The following ZNF425 variants were observed in gnomAD, a reference collection of about 807,000 sequenced individuals.
ZNF425 encodes the protein zinc finger protein 425.
Under a neutral mutation model 17.0 loss-of-function variants are expected in ZNF425, and 21 were observed. The ratio of observed to expected loss-of-function variants is 1.23; its 90% CI spans 0.88 to 1.78. ZNF425 has a LOEUF of 1.78. Among genes scored for constraint, ZNF425 ranks in the 40% most tolerant of loss-of-function variants. ZNF425 has a pLI of 0.00. For synonymous variants in ZNF425, 433 were observed against 384.1 expected, an observed-to-expected ratio of 1.13 and a Z score of -1.49; for missense variants, 868 against 967.3, an observed-to-expected ratio of 0.90 and a Z score of 1.36.
In ZNF425 at chr7:149,104,399, A is replaced by G; in HGVS notation, c.1472T>C (p.Val491Ala). 1.2e-6 allele frequency: 2 copies of G among 1,607,316 alleles called. No individual in the cohort carries two copies. The highest frequency in any genetic ancestry group is 4.5e-5 in the East Asian group (2 of 44,786). ...GGGAAACTCCTTCTGCCTGTCGTGG[A>G]CTCTGGTGTGGCAGGCGAGCTTGGA... ...RPSKLACHTR[V>A]HDRQKEFPCG... Residue 491 changes from valine (V) to alanine (A), a missense_variant, in exon 4 of 4, where the codon GTC (valine) becomes GCC (alanine). Physicochemically the swap from Val to Ala is moderately conservative, Grantham distance 64 (BLOSUM62 0). Coordinates refer to ENST00000378061, the MANE Select transcript of ZNF425 (RefSeq NM_001001661.3). The surrounding 1 kb of genome is among the most constrained non-coding windows in gnomAD (Gnocchi z 4.3).
intron 2 of ZNF425, among the ~76,000 whole-genome samples, chr7:149,116,929 G>A (rs112301304): frequency 6.6e-6 from 1 of 152,012 alleles, no homozygotes; most frequent in African/African-American, 2.4e-5. Context: ...AGTCCTTCAG[G>A]CTAGACTGAG....
rs1826052613 is a variant in ZNF425, at chr7:149,104,895, C to T, written c.976G>A (p.Gly326Arg). Residue 326 changes from glycine to arginine, a missense_variant, in exon 4 of 4, where the codon GGA (glycine) becomes AGA (arginine). By Grantham distance (125) the Gly-to-Arg change is moderately radical. This residue lies in a region of ZNF425 where 243 missense variants were observed against 265.2 expected (regional missense o/e 0.92). Coordinates refer to ENST00000378061, the MANE Select transcript of ZNF425 (RefSeq NM_001001661.3). The surrounding 1 kb of genome is among the most constrained non-coding windows in gnomAD (Gnocchi z 4.3). Reference sequence around the variant, plus strand: ...TGCGGACACTGGAAGGGCTTCTCTCCGCTGTGCAGCCGCAAGTGCTCCGTG... The same window carrying T: ...TGCGGACACTGGAAGGGCTTCTCTCTGCTGTGCAGCCGCAAGTGCTCCGTG... ...ELTEHLRLHSGEKPFQCPQCD... is the reference protein window; with the variant it reads ...ELTEHLRLHSREKPFQCPQCD... 2 of 1,613,488 alleles carry T rather than the reference C, an allele frequency of 1.2e-6. No homozygotes were observed. Among genetic ancestry groups the T allele is most frequent in the Non-Finnish European group, 1.7e-6 (2 of 1,179,878 alleles).
At chr7:149,126,161 C>T in intron 1 of ZNF425, 35 bp downstream of exon 1, 1 of 1,613,100 alleles carries the variant, frequency 6.2e-7, no homozygotes, top group East Asian at 2.2e-5. Flanking sequence ...ACCCGAGTTT[C>T]GACAGAGCCT....
chr7:149,120,748 T>A (rs1377271182), intron 1 of ZNF425, among the ~76,000 whole-genome samples: 2 of 152,218 alleles, frequency 1.3e-5, no homozygotes, highest in Admixed American at 6.5e-5. Context: ...CAAAATTGCC[T>A]AACAATGTGT....
At chr7:149,110,273 A>G (rs1030295152) in intron 3 of ZNF425, among the ~76,000 whole-genome samples, 3 of 151,614 alleles carry the variant, frequency 2.0e-5, no homozygotes, top group Non-Finnish European at 4.4e-5. Flanking sequence ...AACCTAGAAA[A>G]GCATTTGTGC....
chr7:149,123,524 T>C (rs1237778360), intron 1 of ZNF425, among the ~76,000 whole-genome samples: 1 of 152,158 alleles, frequency 6.6e-6, no homozygotes, highest in Non-Finnish European at 1.5e-5. Context: ...AGTTCAAACT[T>C]GTTTTATTTT....
chr7:149,112,384 A>T, intron 2 of ZNF425, 89 bp from the exon 3 acceptor site: 2 of 1,227,784 alleles, frequency 1.6e-6, no homozygotes, highest in South Asian at 2.9e-5. Flanking sequence ...CTGTAATCCC[A>T]GCACTTTGGG....
At chr7:149,107,333 A>ATT (rs1228205362) in intron 3 of ZNF425, among the ~76,000 whole-genome samples, 2 of 139,012 alleles carry the variant, frequency 1.4e-5, no homozygotes, top group African/African-American at 5.7e-5. Flanking sequence ...TTATTTATTT[A>ATT]TTTATTTATT....
At chr7:149,124,051 G>A (rs1826408631) in intron 1 of ZNF425, among the ~76,000 whole-genome samples, 2 of 149,300 alleles carry the variant, frequency 1.3e-5, no homozygotes, top group African/African-American at 4.9e-5. Context: ...GTTTCACCGT[G>A]TTAGCCAGGA....
intron 1 of ZNF425, among the ~76,000 whole-genome samples, chr7:149,124,462 T>G (rs1826417886): frequency 6.6e-6 from 1 of 152,090 alleles, no homozygotes; most frequent in Non-Finnish European, 1.5e-5. Flanking sequence ...GATGGCCTTG[T>G]TATTTTTACA....
rs923794472 is a variant in ZNF425 at position 149,114,528 on chromosome 7, G to A, written c.146-2233C>T. On this transcript the variant is annotated intron_variant, in intron 2 of 3. Coordinates refer to ENST00000378061, the MANE Select transcript of ZNF425 (RefSeq NM_001001661.3). ...TTCTCCTGCCTCAGCCTCCTGAGTT[G>A]CTGGGATTGCAGGTGTGCGCCACCA... Among the ~76,000 whole-genome samples, 6 of 151,986 alleles carry A rather than the reference G, an allele frequency of 3.9e-5. No homozygotes were observed. In the East Asian group the frequency reaches 1.2e-3, roughly 29 times the overall value.
chr7:149,113,769 T>A (rs960678120), intron 2 of ZNF425, among the ~76,000 whole-genome samples: 4 of 151,532 alleles, frequency 2.6e-5, no homozygotes, highest in Non-Finnish European at 4.4e-5. Context: ...GCCAGGATGG[T>A]CTCAATCTCC....
Position 149,126,186 on chromosome 7 carries a change from C to T in ZNF425, c.18+10G>A, listed in dbSNP as rs1826466104. On this transcript the variant is annotated intron_variant, in intron 1 of 3. Transcript: ENST00000378061. ...CGACAGAGCCTGCATCCTCCACCGG[C>T]CCTTCTTACCGAAGCCGGCTCGGCC... 1.2e-6 allele frequency: 2 copies of T among 1,613,300 alleles called. No homozygotes were observed. Among genetic ancestry groups the T allele is most frequent in the East Asian group, 4.5e-5 (2 of 44,850 alleles).
intron 1 of ZNF425, among the ~76,000 whole-genome samples, chr7:149,121,606 G>A (rs1826353691): frequency 6.6e-6 from 1 of 152,032 alleles, no homozygotes. Flanking sequence ...TGGTCAGGCT[G>A]GTCTTGAACT....
At chr7:149,122,079 CT>C (rs1187182130) in intron 1 of ZNF425, among the ~76,000 whole-genome samples, 233 of 129,060 alleles carry the variant, frequency 1.8e-3, no homozygotes, top group Non-Finnish European at 1.8e-3. Flanking sequence ...CCACCGCCGG[CT>C]TTTTTTTTTT....
chr7:149,124,817 T>C (rs10247210), intron 1 of ZNF425, among the ~76,000 whole-genome samples: 1 of 151,648 alleles, frequency 6.6e-6, no homozygotes. Context: ...CTGGGATTAC[T>C]GGCGTGAGCC....
rs557140774 is a variant in ZNF425, at chr7:149,126,313, C to T, written c.-100G>A. 52 of 1,490,888 alleles carry T rather than the reference C, an allele frequency of 3.5e-5. No homozygotes were observed. Among genetic ancestry groups the T allele is most frequent in the Non-Finnish European group, 3.0e-5 (34 of 1,118,746 alleles). 92.4% of individuals were successfully genotyped at this position (1,490,888 alleles called of 1,614,324 possible). A position where few individuals can be genotyped will look rare whatever the true frequency, so the allele number is the denominator to read the frequency against. On this transcript the variant is annotated 5_prime_UTR_variant, in exon 1 of 4. Transcript: ENST00000378061. ...GCCCTGCTGGCCCCCAAAGGCAGAG[C>T]CGGCCGGGCGCGGTGCATGCTGGGA...
intron 3 of ZNF425, among the ~76,000 whole-genome samples, chr7:149,111,619 A>AAAAAAT (rs1563146538): frequency 6.9e-6 from 1 of 145,574 alleles, no homozygotes; most frequent in African/African-American, 2.5e-5. Flanking sequence ...AAAAAAAAAA[A>AAAAAAT]AATTATATAT....
In ZNF425 at chr7:149,105,331, G is replaced by C; in HGVS notation, c.540C>G (p.Arg180=). ...ATCTTGGCCCTGTGGGAATTTCTAA[G>C]CGCCCTGGGGTCTCCCGAGGCTTAT... ...LRHKPRETPG[R]LEIPTGPRCY... Residue 180 remains arginine, a synonymous_variant, in exon 4 of 4, where the codon CGC becomes CGG. Coordinates refer to ENST00000378061, the MANE Select transcript of ZNF425 (RefSeq NM_001001661.3). 2 of 1,614,092 alleles carry C rather than the reference G, an allele frequency of 1.2e-6. No homozygotes were observed. Among genetic ancestry groups the C allele is most frequent in the Non-Finnish European group, 1.7e-6 (2 of 1,179,992 alleles).
Sources: allele counts gnomAD v4.1 joint callset (sites outside exome capture counted in the v4.1 genomes callset), GRCh38; gene constraint gnomAD v4.1.1; regional missense constraint gnomAD v4.1.1; non-coding constraint Gnocchi (gnomAD v3.1); transcripts MANE v1.5; gene names NCBI Gene and HGNC (gene_info 2026-07-23, HGNC 2026-07-21).